Variants in EYA2 observed in about 807,000 individuals in gnomAD.
EYA2 encodes the protein EYA transcriptional coactivator and phosphatase 2, also known as protein phosphatase EYA2.
In EYA2, 31 loss-of-function variants were observed where a neutral mutation model predicts 69.2. The ratio of observed to expected loss-of-function variants is 0.45; its 90% confidence interval spans 0.34 to 0.60. EYA2 has a LOEUF of 0.60. EYA2 is among the 20% of genes least tolerant of loss of function. The pLI is 0.02. For missense variants in EYA2, 622 were observed against 701.2 expected, an observed-to-expected ratio of 0.89 and a Z score of 1.28; for synonymous variants, 257 against 279.4, an observed-to-expected ratio of 0.92 and a Z score of 0.80.
chr20:47,128,380 G>C (rs892117815), intron 9 of EYA2, among the ~76,000 whole-genome samples: 3 of 152,202 alleles, frequency 2.0e-5, no homozygotes, highest in African/African-American at 7.2e-5. Flanking sequence ...AGAGAGGAAA[G>C]CCAGCCTGAG....
rs115292541 is a variant in EYA2 at position 47,037,898 on chromosome 20, G to A, written c.415+21601G>A. Among the ~76,000 whole-genome samples the A allele has an allele frequency of 5.8e-3, 880 of 152,168 alleles. 7 individuals carry two copies. Among genetic ancestry groups the A allele is most frequent in the African/African-American group, 0.02 (842 of 41,496 alleles). On this transcript the variant is annotated intron_variant, in intron 5 of 15. Coordinates refer to ENST00000327619, the MANE Select transcript of EYA2 (RefSeq NM_005244.5). ...TAAATATCCACAAGTCCTGGGATTC[G>A]TATTGGATATCTTGGTGGGTAGGGG...
At chr20:47,057,139 G>GGAAGGA (rs1555818578) in intron 5 of EYA2, among the ~76,000 whole-genome samples, 2 of 129,090 alleles carry the variant, frequency 1.5e-5, no homozygotes, top group African/African-American at 3.0e-5. Flanking sequence ...AGGAAGGAGG[G>GGAAGGA]AGGAAGGAAG....
At chr20:47,112,537 TGA>T (rs2032776135) in intron 9 of EYA2, among the ~76,000 whole-genome samples, 1 of 152,186 alleles carries the variant, frequency 6.6e-6, no homozygotes, top group African/African-American at 2.4e-5. Flanking sequence ...AGCTCCTTGC[TGA>T]GAGGAGAGAT....
intron 5 of EYA2, among the ~76,000 whole-genome samples, chr20:47,018,514 G>A (rs1983547076): frequency 6.6e-6 from 1 of 152,218 alleles, no homozygotes; most frequent in Admixed American, 6.5e-5. Context: ...CAGTGGTATG[G>A]ACCAGGAGTG....
At position 47,089,305 on chromosome 20, in the gene EYA2, G is replaced by A. The variant is rs530061195; in HGVS notation, c.728G>A (p.Arg243Gln). Residue 243 changes from arginine (R) to glutamine (Q), a missense_variant, in exon 8 of 16, where the codon CGG becomes CAG. Physicochemically the swap from Arg to Gln is conservative, Grantham distance 43 (BLOSUM62 1). Coordinates refer to ENST00000327619, the MANE Select transcript of EYA2 (RefSeq NM_005244.5). ...GAGGGAGACACAGACAGGCCGCACC[G>A]GGCCTCCGACGGGAAGCTCCGAGGC... ...AKEGDTDRPH[R>Q]ASDGKLRGRS... 115 of 1,614,132 alleles carry A rather than the reference G, an allele frequency of 7.1e-5. 1 individual carries two copies. The South Asian group carries it at 7.9e-4, about 11-fold the overall frequency.
intron 1 of EYA2, among the ~76,000 whole-genome samples, chr20:46,934,476 C>G (rs566677809): frequency 1.3e-5 from 2 of 152,178 alleles, no homozygotes; most frequent in African/African-American, 4.8e-5. Flanking sequence ...TTGACTCAAA[C>G]TAGCCCAGTT....
rs186468501 is a variant in EYA2, at chr20:46,923,075, G to A, written c.-11+28088G>A. On this transcript the variant is annotated intron_variant, in intron 1 of 15. Coordinates refer to ENST00000327619, the MANE Select transcript of EYA2 (RefSeq NM_005244.5). ...AAGTACAGAAAAAGACTGAAGAAAT[G>A]TTCTAGATGAGGCCGGGCACGGTGG... Among the ~76,000 whole-genome samples, 524 of 152,300 alleles carry A rather than the reference G, an allele frequency of 3.4e-3. 1 individual carries two copies. The highest frequency in any genetic ancestry group is 0.017 in the Middle Eastern group (5 of 294).
intron 7 of EYA2, among the ~76,000 whole-genome samples, chr20:47,078,330 C>CACAT (rs2031596898): frequency 3.3e-5 from 1 of 29,878 alleles, no homozygotes; most frequent in Non-Finnish European, 9.6e-5. Flanking sequence ...CGCGCGCGCG[C>CACAT]GCACACACAC....
intron 5 of EYA2, among the ~76,000 whole-genome samples, chr20:47,039,690 GT>G (rs1984928183): frequency 6.6e-6 from 1 of 152,110 alleles, no homozygotes; most frequent in Non-Finnish European, 1.5e-5. Flanking sequence ...GGGGCATCTT[GT>G]AGTGATAAAA....
At chr20:46,971,109 GCA>G (rs1313542750) in intron 1 of EYA2, among the ~76,000 whole-genome samples, 1 of 131,302 alleles carries the variant, frequency 7.6e-6, no homozygotes, top group African/African-American at 2.8e-5. Flanking sequence ...ACACACACAT[GCA>G]CACACACGTA....
intron 5 of EYA2, among the ~76,000 whole-genome samples, chr20:47,058,046 A>G (rs1467125375): frequency 6.6e-6 from 1 of 152,240 alleles, no homozygotes; most frequent in Non-Finnish European, 1.5e-5. Context: ...GTATTTATCC[A>G]GCTGCTAATG....
At chr20:47,041,993 A>T (rs1453760257) in intron 5 of EYA2, among the ~76,000 whole-genome samples, 1 of 152,114 alleles carries the variant, frequency 6.6e-6, no homozygotes, top group Non-Finnish European at 1.5e-5. Flanking sequence ...TTATAAAATA[A>T]ATATAAAATA....
chr20:46,931,756 G>A (rs373259436), intron 1 of EYA2, among the ~76,000 whole-genome samples: 5 of 152,152 alleles, frequency 3.3e-5, no homozygotes, highest in South Asian at 2.1e-4. Flanking sequence ...AATTCATGTC[G>A]GATTTTCGCT....
At chr20:46,980,555 C>G (rs147605576) in intron 1 of EYA2, among the ~76,000 whole-genome samples, 98 of 152,282 alleles carry the variant, frequency 6.4e-4, no homozygotes, top group African/African-American at 2.3e-3. Flanking sequence ...GTATACAGAT[C>G]AAATCAGCAT....
chr20:47,047,783 T>G (rs1235395305), intron 5 of EYA2, among the ~76,000 whole-genome samples: 1 of 152,086 alleles, frequency 6.6e-6, no homozygotes, highest in South Asian at 2.1e-4. Context: ...CAAAACAAAT[T>G]TATGACCTTA....
intron 5 of EYA2, among the ~76,000 whole-genome samples, chr20:47,070,902 G>A (rs180708107): frequency 2.5e-4 from 38 of 152,266 alleles, no homozygotes; most frequent in Non-Finnish European, 4.3e-4. Flanking sequence ...AGGCTGGAGT[G>A]CAGTGGTGAG....
intron 5 of EYA2, among the ~76,000 whole-genome samples, chr20:47,028,539 T>C (rs1278219156): frequency 6.6e-6 from 1 of 152,128 alleles, no homozygotes; most frequent in African/African-American, 2.4e-5. Context: ...CCAGTAGATA[T>C]TAAGGGAGCA....
intron 1 of EYA2, among the ~76,000 whole-genome samples, chr20:46,897,438 T>C (rs1983868175): frequency 6.6e-6 from 1 of 152,208 alleles, no homozygotes; most frequent in Non-Finnish European, 1.5e-5. Context: ...AGAAACCGTT[T>C]CCTTATTTTT....
intron 1 of EYA2, among the ~76,000 whole-genome samples, chr20:46,940,376 G>A (rs1986102405): frequency 6.6e-6 from 1 of 152,160 alleles, no homozygotes; most frequent in African/African-American, 2.4e-5. Flanking sequence ...AGCCCAGAGA[G>A]GTCAAATCAT....
Sources: allele counts gnomAD v4.1 joint callset (sites outside exome capture counted in the v4.1 genomes callset), GRCh38; gene constraint gnomAD v4.1.1; transcripts MANE v1.5; gene names NCBI Gene and HGNC (gene_info 2026-07-23, HGNC 2026-07-21).